The following LRRC74B variants were observed in gnomAD, a reference collection of about 807,000 sequenced individuals.
LRRC74B encodes the protein leucine rich repeat containing 74B.
A neutral mutation model predicts 16.6 loss-of-function variants in LRRC74B; 30 were observed. That is an observed-to-expected ratio of 1.80 (90% CI 1.35 to 2.45). The LOEUF is 2.45. Among genes scored for constraint, LRRC74B ranks in the 30% most tolerant of loss-of-function variants. The pLI, the probability that LRRC74B is intolerant of heterozygous loss-of-function variation, is 0.00. For missense variants in LRRC74B, 326 were observed against 202.4 expected (o/e 1.61, Z -3.71); for synonymous variants, 134 against 86.0 (o/e 1.56, Z -3.09).
At chr22:21,047,818 G>T in intron 2 of LRRC74B, 66 bp from the exon 3 acceptor site, 1 of 701,878 alleles carries the variant, frequency 1.4e-6, no homozygotes, top group Non-Finnish European at 2.7e-6. Context: ...TGGAGGATGT[G>T]GAGTGGGCTG....
chr22:21,053,434 G>A, exon 6 of LRRC74B: 2 of 717,358 alleles, frequency 2.8e-6, no homozygotes, highest in Non-Finnish European at 5.2e-6. Context: ...CGGTGGGTGA[G>A]GCTCTGAAGG....
chr22:21,047,991 C>T, exon 3 of LRRC74B: 4 of 717,234 alleles, frequency 5.6e-6, no homozygotes, highest in African/African-American at 3.5e-5. Context: ...TGGCAGGTGC[C>T]CTGAGCAAAA....
chr22:21,057,240 C>T (rs983221789), intron 8 of LRRC74B, 40 bp downstream of exon 8: 4 of 713,928 alleles, frequency 5.6e-6, no homozygotes, highest in Non-Finnish European at 7.8e-6. Context: ...ATCCTCCCAG[C>T]AGCCCTGTGA....
At chr22:21,049,058 C>T (rs1027444805) in exon 4 of LRRC74B, 10 of 715,778 alleles carry the variant, frequency 1.4e-5, no homozygotes, top group African/African-American at 5.2e-5. Flanking sequence ...AGGGAATGGC[C>T]TGGAGGAGCA....
At chr22:21,048,620 C>G (rs201271873) in intron 3 of LRRC74B, 2 of 355,892 alleles carry the variant, frequency 5.6e-6, no homozygotes, top group Non-Finnish European at 5.3e-6. Flanking sequence ...ATCCTGGCAA[C>G]GGGGCTGTGA....
chr22:21,048,231 A>C (rs994476841), intron 3 of LRRC74B: 5 of 555,202 alleles, frequency 9.0e-6, no homozygotes, highest in Middle Eastern at 9.6e-4. Flanking sequence ...CACCCACCCC[A>C]CACCATCACT....
At position 21,050,895 on chromosome 22, in the gene LRRC74B, C is replaced by T. The variant is rs1299999118; in HGVS notation, c.623-1354C>T. ...ATTGCTTGAGGCCAGGAGTTAGAAA[C>T]CAAACTGGGCAACATAGGGAGCCCC... is the stretch of plus-strand genomic sequence containing the variant. On this transcript the variant is annotated intron_variant, in intron 4 of 8. Coordinates refer to ENST00000442047, the Ensembl canonical transcript of LRRC74B. Among the ~76,000 whole-genome samples, 5 of 145,408 alleles carry T rather than the reference C, an allele frequency of 3.4e-5. No individual in the cohort carries two copies. In the Admixed American group the frequency reaches 3.6e-4, roughly 11 times the overall value.
Position 21,049,205 on chromosome 22 carries a change from G to C in LRRC74B, c.622+48G>C, listed in dbSNP as rs1929766479. The C allele has an allele frequency of 2.6e-5, 18 of 682,414 alleles. No homozygotes were observed. In the East Asian group the frequency reaches 4.9e-4, roughly 19 times the overall value. The allele number at this position is 682,414 out of a possible 1,614,324, so 42.3% of individuals were successfully genotyped here. A position where few individuals can be genotyped will look rare whatever the true frequency, so the allele number is the denominator to read the frequency against. The stretch of plus-strand genomic sequence containing the variant: ...TGGCCATGAAAGCTCAGCTTCCTGG[G>C]GCAGGGATGGGTGGGGGTTGGCAGG... On this transcript the variant is annotated intron_variant, in intron 4 of 8. Coordinates refer to ENST00000442047, the Ensembl canonical transcript of LRRC74B.
chr22:21,050,005 G>C (rs1929872836), intron 4 of LRRC74B, among the ~76,000 whole-genome samples: 1 of 152,118 alleles, frequency 6.6e-6, no homozygotes, highest in South Asian at 2.1e-4. Flanking sequence ...TGGTGAATCT[G>C]TATTTTAATG....
intron 8 of LRRC74B, among the ~76,000 whole-genome samples, chr22:21,058,585 A>G (rs1930664579): frequency 1.3e-5 from 2 of 152,054 alleles, no homozygotes; most frequent in Non-Finnish European, 2.9e-5. Context: ...ATTTTTTTCA[A>G]CCCAGACTTG....
chr22:21,052,906 C>T (rs1006566866), intron 5 of LRRC74B, among the ~76,000 whole-genome samples: 1 of 152,230 alleles, frequency 6.6e-6, no homozygotes, highest in South Asian at 2.1e-4. Context: ...TGGGGTCCTG[C>T]CCCACAAGAT....
At chr22:21,047,480 C>T (rs1929555380) in exon 2 of LRRC74B, 1 of 717,464 alleles carries the variant, frequency 1.4e-6, no homozygotes, top group African/African-American at 1.7e-5. Flanking sequence ...ACCTCCGGCA[C>T]CGTGGCCTGG....
chr22:21,055,292 C>T lies in LRRC74B; in HGVS notation c.927+116C>T, dbSNP rs189167441. The T allele has an allele frequency of 1.5e-3, 936 of 644,454 alleles. 2 individuals carry two copies. The highest frequency in any genetic ancestry group is 4.7e-3 in the Middle Eastern group (19 of 4,058). The allele number at this position is 644,454 out of a possible 1,614,324, so 39.9% of individuals were successfully genotyped here. ...CAGCAGGCAGGTGCACACAGGCTGG[C>T]TCACTCCCTTGCCACTCACCCTGAA... On this transcript the variant is annotated intron_variant, in intron 7 of 8. Transcript: ENST00000442047.
At chr22:21,053,248 G>A in intron 5 of LRRC74B, 112 bp from the exon 6 acceptor site, 1 of 624,262 alleles carries the variant, frequency 1.6e-6, no homozygotes, top group African/African-American at 1.8e-5. Context: ...CTCCCCTTCT[G>A]CCCTTTATCT....
intron 8 of LRRC74B, among the ~76,000 whole-genome samples, chr22:21,058,959 A>G (rs2148165024): frequency 6.6e-6 from 1 of 152,342 alleles, no homozygotes; most frequent in Middle Eastern, 3.4e-3. Flanking sequence ...CGATCAATCA[A>G]TAACAAGCCT....
At chr22:21,047,750 G>A in intron 2 of LRRC74B, 134 bp from the exon 3 acceptor site, 1 of 637,094 alleles carries the variant, frequency 1.6e-6, no homozygotes, top group Non-Finnish European at 2.9e-6. Context: ...CCTTCACAGA[G>A]CCTAAAAGGA....
chr22:21,047,977 G>T (rs1316726659), exon 3 of LRRC74B: 2 of 717,238 alleles, frequency 2.8e-6, no homozygotes, highest in Non-Finnish European at 5.2e-6. Flanking sequence ...AGGTGCAGAG[G>T]CCCTGGCAGG....
rs1438096026 is a variant in LRRC74B, at chr22:21,052,229, C to G, written c.623-20C>G. On this transcript the variant is annotated intron_variant, in intron 4 of 8. Coordinates refer to ENST00000442047, the Ensembl canonical transcript of LRRC74B. ...GAGTGAAGAGAGTGAGTCAGAAGGT[C>G]TCTCTTGGTGTTTCTGAAGGGGAGA... 1.4e-6 allele frequency: 1 copy of G among 717,402 alleles called. No individual in the cohort carries two copies. Among genetic ancestry groups the G allele is most frequent in the East Asian group, 2.7e-5 (1 of 37,278 alleles). 44.4% of individuals were successfully genotyped at this position (717,402 alleles called of 1,614,324 possible). A position where few individuals can be genotyped will look rare whatever the true frequency, so the allele number is the denominator to read the frequency against.
rs527616390 is a variant in LRRC74B, at chr22:21,048,902, A to G, written c.416-49A>G. 87 of 703,504 alleles carry G rather than the reference A, an allele frequency of 1.2e-4. 2 individuals are homozygous for G. In the South Asian group the frequency reaches 1.3e-3, roughly 10 times the overall value. 43.6% of individuals were successfully genotyped at this position (703,504 alleles called of 1,614,324 possible). ...GTTTGGGGGATGGCAGAAGTAGGGG[A>G]GTGCCTGGCTTTGCATCCCACTGGC... On this transcript the variant is annotated intron_variant, in intron 3 of 8. Coordinates refer to ENST00000442047, the Ensembl canonical transcript of LRRC74B.
Sources: gnomAD v4.1 joint callset for allele counts (sites outside exome capture counted in the v4.1 genomes callset) on GRCh38, gnomAD v4.1.1 for gene constraint, MANE v1.5 for transcripts, NCBI Gene and HGNC (gene_info 2026-07-23, HGNC 2026-07-21) for gene names.